The following ARCN1 variants were observed in gnomAD, a reference collection of about 807,000 sequenced individuals.
ARCN1 encodes the protein archain 1 coat protein complex I subunit delta.
A neutral mutation model predicts 60.4 loss-of-function variants in ARCN1; 5 were observed. That is an observed-to-expected ratio of 0.08 (90% CI 0.04 to 0.17). The LOEUF (loss-of-function observed/expected upper bound fraction) is 0.17. ARCN1 is among the 10% of genes least tolerant of loss of function. The probability of loss-of-function intolerance (pLI) is 1.00; values close to 1 mark genes in which losing one functional copy is unlikely to be tolerated. For synonymous variants in ARCN1, 224 were observed against 220.0 expected (o/e 1.02, Z -0.16); for missense variants, 464 against 626.5 (o/e 0.74, Z 2.77).
At position 118,583,828 on chromosome 11, in the gene ARCN1, A is replaced by G. The variant is rs782491121; in HGVS notation, c.467A>G (p.Lys156Arg). 1 of 1,614,220 alleles carries G rather than the reference A, an allele frequency of 6.2e-7. No homozygotes were observed. The highest frequency in any genetic ancestry group is 1.1e-5 in the South Asian group (1 of 91,076). Residue 156 changes from lysine (K) to arginine (R), a missense_variant, in exon 4 of 10, where the codon AAG (lysine) becomes AGG (arginine). Coordinates refer to ENST00000264028, the MANE Select transcript of ARCN1 (RefSeq NM_001655.5). ...AVRETQEREA[K>R]AEMRRKAKEL... The stretch of plus-strand genomic sequence containing the variant: ...CTGTAGACTCAAGAACGTGAAGCTA[A>G]GGCTGAGATGCGTCGTAAAGCAAAG...
At position 118,590,419 on chromosome 11, in the gene ARCN1, C is replaced by T. The variant is rs782156810; in HGVS notation, c.897C>T (p.Gly299=). Residue 299 remains glycine (G), a synonymous_variant, in exon 6 of 10, where the codon GGC becomes GGT. Coordinates refer to ENST00000264028, the MANE Select transcript of ARCN1 (RefSeq NM_001655.5). Reference sequence around the variant, plus strand: ...GATTACAGAATATGGAGTTGCATGGCATGATCATGCTTAGGATCTCAGATG... The same window carrying T: ...GATTACAGAATATGGAGTTGCATGGTATGATCATGCTTAGGATCTCAGATG... ...DGGLQNMELH[G]MIMLRISDDK... 97 of 1,613,970 alleles carry T rather than the reference C, an allele frequency of 6.0e-5. No individual in the cohort carries two copies. The highest frequency in any genetic ancestry group is 8.0e-5 in the Non-Finnish European group (94 of 1,179,938).
intron 9 of ARCN1, among the ~76,000 whole-genome samples, chr11:118,598,551 A>G (rs189680148): frequency 3.8e-4 from 54 of 143,516 alleles, no homozygotes; most frequent in Non-Finnish European, 5.4e-4. Context: ...CTGGAGTGCA[A>G]TGGCGCGCTG....
rs1393612239 is a variant in ARCN1 at position 118,583,971 on chromosome 11, A to G, written c.610A>G (p.Ile204Val). Reference protein sequence around the residue: ...GSTAAMITETIIETDKPKVAP... With the variant: ...GSTAAMITETVIETDKPKVAP... The stretch of plus-strand genomic sequence containing the variant: ...CACAGCTGCCATGATCACAGAGACC[A>G]TCATTGAAACTGATAAACCAAAAGT... The change falls in exon 4 of 10, where the codon ATC (isoleucine) becomes GTC (valine). Residue 204 changes from isoleucine to valine, a missense_variant. Ile to Val is a conservative substitution (Grantham distance 29). Transcript: ENST00000264028. The G allele has an allele frequency of 3.1e-6, 5 of 1,614,130 alleles. No individual in the cohort carries two copies. Among genetic ancestry groups the G allele is most frequent in the African/African-American group, 2.7e-5 (2 of 74,950 alleles).
chr11:118,590,650 T>C, intron 6 of ARCN1, 144 bp downstream of exon 6: 1 of 817,426 alleles, frequency 1.2e-6, no homozygotes, highest in Non-Finnish European at 1.9e-6. Context: ...AAGAAGTTAA[T>C]ATATTGCATA....
Position 118,600,692 on chromosome 11 carries a change from T to C in ARCN1, c.1514T>C (p.Val505Ala), listed in dbSNP as rs1195200822. 1 of 1,610,878 alleles carries C rather than the reference T, an allele frequency of 6.2e-7. No individual in the cohort carries two copies. The highest frequency in any genetic ancestry group is 1.3e-5 in the African/African-American group (1 of 74,628). The change falls in exon 10 of 10, where the codon GTG (valine) becomes GCG (alanine). Residue 505 changes from valine (V) to alanine (A), a missense_variant. Physicochemically the swap from Val to Ala is moderately conservative, Grantham distance 64 (BLOSUM62 0). Transcript: ENST00000264028. ...VRFSTETTFL[V>A]DKYEIL ...TTTTCCACAGAGACCACTTTCCTAG[T>C]GGATAAGTATGAAATTCTGTAATAC... is the stretch of plus-strand genomic sequence containing the variant.
rs782313274 is a variant in ARCN1, at chr11:118,600,877, T to C, written c.*163T>C. 1.7e-4 allele frequency: 84 copies of C among 500,746 alleles called. No individual in the cohort carries two copies. Among genetic ancestry groups the C allele is most frequent in the Non-Finnish European group, 2.8e-4 (78 of 281,960 alleles). The allele number at this position is 500,746 out of a possible 1,614,324, so 31.0% of individuals were successfully genotyped here. A position where few individuals can be genotyped will look rare whatever the true frequency, so the allele number is the denominator to read the frequency against. On this transcript the variant is annotated 3_prime_UTR_variant, in exon 10 of 10. Transcript: ENST00000264028. ...AAGGACCCTCGACTCACCCCCATGT[T>C]TCAGTGTCACAGAGACATTCTTTGA...
chr11:118,577,793 G>A (rs747523685), intron 1 of ARCN1, among the ~76,000 whole-genome samples: 1 of 152,124 alleles, frequency 6.6e-6, no homozygotes, highest in African/African-American at 2.4e-5. Context: ...TAATTACTCA[G>A]TTAATTCTTA....
intron 5 of ARCN1, among the ~76,000 whole-genome samples, chr11:118,587,493 G>A (rs1938804756): frequency 6.6e-6 from 1 of 152,132 alleles, no homozygotes; most frequent in Non-Finnish European, 1.5e-5. Context: ...GCAGAGATAT[G>A]ACATCTAAAT....
intron 1 of ARCN1, chr11:118,573,578 A>C (rs1264025639): frequency 1.5e-6 from 1 of 651,906 alleles, no homozygotes; most frequent in African/African-American, 1.8e-5. Context: ...TAGTCTTTTG[A>C]AGGATGTTCT....
At chr11:118,586,653 C>T (rs1299492129) in intron 5 of ARCN1, among the ~76,000 whole-genome samples, 1 of 151,994 alleles carries the variant, frequency 6.6e-6, no homozygotes, top group Non-Finnish European at 1.5e-5. Context: ...GAAACTCCAT[C>T]TCCACTAAAA....
intron 4 of ARCN1, 116 bp downstream of exon 4, chr11:118,584,130 TATG>T: frequency 9.7e-7 from 1 of 1,032,678 alleles, no homozygotes; most frequent in Middle Eastern, 3.2e-4. Flanking sequence ...TGAAGTAAGA[TATG>T]ATGTTACATT....
intron 1 of ARCN1, among the ~76,000 whole-genome samples, chr11:118,580,075 C>T (rs1278431803): frequency 6.6e-6 from 1 of 152,136 alleles, no homozygotes. Context: ...GTAATCCCAG[C>T]ACTTTGGGAG....
intron 1 of ARCN1, among the ~76,000 whole-genome samples, chr11:118,578,700 G>C (rs1341375429): frequency 6.6e-6 from 1 of 151,976 alleles, no homozygotes; most frequent in Non-Finnish European, 1.5e-5. Context: ...ATTTTGGGGG[G>C]AGAGTCAATA....
intron 5 of ARCN1, among the ~76,000 whole-genome samples, chr11:118,588,845 C>CT (rs1245130804): frequency 6.6e-6 from 1 of 152,276 alleles, no homozygotes; most frequent in African/African-American, 2.4e-5. Flanking sequence ...TGGTAAAACT[C>CT]TGACTCTAGT....
At chr11:118,592,337 G>C (rs539862996) in intron 6 of ARCN1, among the ~76,000 whole-genome samples, 1 of 152,280 alleles carries the variant, frequency 6.6e-6, no homozygotes, top group African/African-American at 2.4e-5. Flanking sequence ...GTCTGACCCA[G>C]GCAGCTGATC....
chr11:118,584,048 A>G, intron 4 of ARCN1, 34 bp downstream of exon 4: 4 of 1,593,594 alleles, frequency 2.5e-6, no homozygotes, highest in Non-Finnish European at 3.4e-6. Flanking sequence ...TACCAGGTGA[A>G]GGGTGTATAT....
At chr11:118,581,966 A>ACC (rs1555074718) in intron 2 of ARCN1, among the ~76,000 whole-genome samples, 1 of 149,904 alleles carries the variant, frequency 6.7e-6, no homozygotes, top group Non-Finnish European at 1.5e-5. Context: ...ACACACACAC[A>ACC]CCTTTTAAGA....
intron 8 of ARCN1, among the ~76,000 whole-genome samples, chr11:118,596,013 G>A (rs1939018455): frequency 6.6e-6 from 1 of 151,950 alleles, no homozygotes; most frequent in Admixed American, 6.6e-5. Flanking sequence ...CTTGCAGTGA[G>A]CTGAGATCGC....
chr11:118,587,763 A>AT (rs1222801331), intron 5 of ARCN1, among the ~76,000 whole-genome samples: 1 of 152,186 alleles, frequency 6.6e-6, no homozygotes, highest in Non-Finnish European at 1.5e-5. Context: ...CCCAAGACTG[A>AT]TTCTTCCTTC....
Sources: allele counts gnomAD v4.1 joint callset (sites outside exome capture counted in the v4.1 genomes callset), GRCh38; gene constraint gnomAD v4.1.1; transcripts MANE v1.5; gene names NCBI Gene and HGNC (gene_info 2026-07-23, HGNC 2026-07-21).